The following PSD4 variants were observed in gnomAD, a reference collection of about 807,000 sequenced individuals.
PSD4 encodes PH and SEC7 domain-containing protein 4.
PSD4 carries 59 observed loss-of-function variants against 112.5 expected under a neutral mutation model. The ratio of observed to expected loss-of-function variants is 0.52; its 90% CI spans 0.43 to 0.65. The LOEUF is 0.65. Among genes scored for constraint, PSD4 ranks in the 30% least tolerant of loss-of-function variants. The pLI is 0.00. For synonymous variants in PSD4, 533 were observed against 540.0 expected (o/e 0.99, Z 0.18); for missense variants, 1,267 against 1,352.6 (o/e 0.94, Z 0.99).
rs1481549175 is a variant in PSD4, at chr2:113,185,834, T to C, written c.1250-43T>C. On this transcript the variant is annotated intron_variant, in intron 4 of 16. Coordinates refer to ENST00000245796, the MANE Select transcript of PSD4 (RefSeq NM_012455.3). ...GGAGGTGGTGCCCAGGCCGTTCTCCTGCCTCCTGCCCTGTGCCCGCCTCAC... is the reference window on the plus strand; with the variant it reads ...GGAGGTGGTGCCCAGGCCGTTCTCCCGCCTCCTGCCCTGTGCCCGCCTCAC... 1.9e-6 allele frequency: 3 copies of C among 1,583,700 alleles called. No homozygotes were observed. The South Asian group carries it at 3.4e-5, about 18-fold the overall frequency.
Position 113,201,356 on chromosome 2 carries a change from A to G in PSD4, c.3112A>G (p.Ile1038Val), listed in dbSNP as rs950440255. Residue 1038 changes from isoleucine (I) to valine (V), a missense_variant, in exon 17 of 17, where the codon ATC becomes GTC. Ile to Val is a conservative substitution (Grantham distance 29). Around this residue, in one of 2 missense-constraint regions of PSD4, gnomAD observed 544 missense variants for 648.6 expected, o/e 0.84. Transcript: ENST00000245796. ...APTTAKVKRNISERRTYRKII... is the reference protein window; with the variant it reads ...APTTAKVKRNVSERRTYRKII... ...CACCACGGCCAAGGTGAAGCGCAACATCTCAGAGCGCAGAACCTACCGGAA... is the reference window on the plus strand; with the variant it reads ...CACCACGGCCAAGGTGAAGCGCAACGTCTCAGAGCGCAGAACCTACCGGAA... The G allele has an allele frequency of 1.1e-5, 17 of 1,614,038 alleles. No homozygotes were observed. The highest frequency in any genetic ancestry group is 1.4e-5 in the Non-Finnish European group (16 of 1,180,016).
At chr2:113,175,810 T>C (rs1029940012) in intron 1 of PSD4, among the ~76,000 whole-genome samples, 1 of 152,178 alleles carries the variant, frequency 6.6e-6, no homozygotes, top group African/African-American at 2.4e-5. Context: ...TTTTGGCTTC[T>C]CTAAATGGAC....
intron 5 of PSD4, 23 bp downstream of exon 5, chr2:113,186,278 C>T: frequency 2.6e-6 from 4 of 1,538,542 alleles, no homozygotes; most frequent in Non-Finnish European, 3.5e-6. Flanking sequence ...CTAACTGGCT[C>T]TCATGCTCCT....
rs1221847241 is a variant in PSD4, at chr2:113,193,875, T to C, written c.2108T>C (p.Met703Thr). ...DLHGQNIGKS[M>T]SCQEFITNLN... is the part of the protein sequence containing the mutation. ...TGGCTACAGAACATTGGGAAGAGCA[T>C]GAGCTGCCAGGAATTCATAACCAAC... The change falls in exon 10 of 17, where the codon ATG becomes ACG. Residue 703 changes from methionine (M) to threonine (T), a missense_variant. Met to Thr is a moderately conservative substitution (Grantham distance 81). Around this residue, in one of 2 missense-constraint regions of PSD4, gnomAD observed 544 missense variants for 648.6 expected, o/e 0.84. Coordinates refer to ENST00000245796, the MANE Select transcript of PSD4 (RefSeq NM_012455.3). The C allele has an allele frequency of 5.0e-6, 8 of 1,614,042 alleles. No homozygotes were observed. The highest frequency in any genetic ancestry group is 6.8e-6 in the Non-Finnish European group (8 of 1,179,982).
chr2:113,198,101 G>A (rs916985154), intron 14 of PSD4, 188 bp downstream of exon 14: 5 of 733,408 alleles, frequency 6.8e-6, no homozygotes, highest in Middle Eastern at 4.0e-4. Flanking sequence ...CCCAGGCATC[G>A]CCTACTTCCT....
intron 10 of PSD4, among the ~76,000 whole-genome samples, chr2:113,194,755 A>G (rs1438441629): frequency 6.6e-6 from 1 of 152,248 alleles, no homozygotes; most frequent in Non-Finnish European, 1.5e-5. Flanking sequence ...AACACATGAT[A>G]GAAAAGATTA....
rs1415813741 is a variant in PSD4 at position 113,185,363 on chromosome 2, A to T, written c.1174-2A>T. On this transcript the variant is annotated splice_acceptor_variant, in intron 3 of 16. Coordinates refer to ENST00000245796, the MANE Select transcript of PSD4 (RefSeq NM_012455.3). LOFTEE classifies it high-confidence loss of function. Reference sequence around the variant, plus strand: ...TGGGAATGCCTTTGCCTCTCTCAACAGGCCTCTCTCAGCCCTGAGGGCTGG... The same window carrying T: ...TGGGAATGCCTTTGCCTCTCTCAACTGGCCTCTCTCAGCCCTGAGGGCTGG... The T allele has an allele frequency of 6.2e-7, 1 of 1,613,872 alleles. No homozygotes were observed. The highest frequency in any genetic ancestry group is 8.5e-7 in the Non-Finnish European group (1 of 1,179,996).
At position 113,193,958 on chromosome 2, in the gene PSD4, A is replaced by G; in HGVS notation, c.2181+10A>G. On this transcript the variant is annotated intron_variant, in intron 10 of 16. Coordinates refer to ENST00000245796, the MANE Select transcript of PSD4 (RefSeq NM_012455.3). Reference sequence around the variant, plus strand: ...CAAGGAGCTGCTGAAGGTATGTGCCACGGGGTCTTCTTATGAGCCTCATGT... The same window carrying G: ...CAAGGAGCTGCTGAAGGTATGTGCCGCGGGGTCTTCTTATGAGCCTCATGT... The G allele has an allele frequency of 6.8e-6, 11 of 1,613,068 alleles. No homozygotes were observed. The highest frequency in any genetic ancestry group is 9.3e-6 in the Non-Finnish European group (11 of 1,179,224).
At chr2:113,196,086 T>C (rs1688601164) in intron 11 of PSD4, 61 bp from the exon 12 acceptor site, 1 of 1,559,180 alleles carries the variant, frequency 6.4e-7, no homozygotes, top group African/African-American at 1.4e-5. Context: ...TGGGAGGCAA[T>C]GGATACCTCC....
In PSD4 at chr2:113,199,197, C is replaced by T. The variant is rs976031436; in HGVS notation, c.2884C>T (p.Arg962Cys). Residue 962 changes from arginine (R) to cysteine (C), a missense_variant, in exon 16 of 17, where the codon CGC (arginine) becomes TGC (cysteine). Physicochemically the swap from Arg to Cys is radical, Grantham distance 180 (BLOSUM62 -3). This residue lies in a region of PSD4 where 544 missense variants were observed against 648.6 expected (regional missense o/e 0.84). Coordinates refer to ENST00000245796, the MANE Select transcript of PSD4 (RefSeq NM_012455.3). ...CCGTGGCCGCGAGCTGGAGGAGCAC[C>T]GCCTGCGGAAGGAGTACCTGGAGTA... ...RGRGRELEEH[R>C]LRKEYLEYEK... 5.3e-6 allele frequency: 8 copies of T among 1,518,326 alleles called. No homozygotes were observed. The highest frequency in any genetic ancestry group is 7.0e-6 in the Non-Finnish European group (8 of 1,136,544). The allele number at this position is 1,518,326 out of a possible 1,614,324, so 94.1% of individuals were successfully genotyped here.
intron 10 of PSD4, among the ~76,000 whole-genome samples, chr2:113,194,838 T>C (rs1459095122): frequency 1.3e-5 from 2 of 152,224 alleles, no homozygotes; most frequent in African/African-American, 4.8e-5. Flanking sequence ...AGTTCATCCT[T>C]GACTGAACCA....
intron 1 of PSD4, among the ~76,000 whole-genome samples, chr2:113,181,268 G>A (rs949144392): frequency 6.6e-6 from 1 of 150,488 alleles, no homozygotes; most frequent in African/African-American, 2.4e-5. Context: ...GAGTGCTTAC[G>A]ACATGCCATA....
In PSD4 at chr2:113,186,007, C is replaced by A. The variant is rs1422137729; in HGVS notation, c.1380C>A (p.Pro460=). ...ESESRGPGPR[P]SPASSQEGSP... is the part of the protein sequence containing the mutation. ...AGAGCAGAGGCCCTGGTCCCAGGCC[C>A]AGCCCTGCATCGTCCCAGGAGGGCA... Residue 460 remains proline, a synonymous_variant, in exon 5 of 17, where the codon CCC becomes CCA. Coordinates refer to ENST00000245796, the MANE Select transcript of PSD4 (RefSeq NM_012455.3). The A allele has an allele frequency of 3.1e-6, 5 of 1,614,194 alleles. No individual in the cohort carries two copies. Among genetic ancestry groups the A allele is most frequent in the Non-Finnish European group, 4.2e-6 (5 of 1,180,000 alleles).
intron 2 of PSD4, among the ~76,000 whole-genome samples, 164 bp from the exon 3 acceptor site, chr2:113,184,793 C>G (rs1039129128): frequency 2.6e-5 from 4 of 152,192 alleles, no homozygotes; most frequent in Non-Finnish European, 1.5e-5. Flanking sequence ...ATCACCCTCC[C>G]TAAAACACAG....
chr2:113,186,423 G>T (rs1688302030), intron 5 of PSD4, among the ~76,000 whole-genome samples, 168 bp downstream of exon 5: 1 of 152,258 alleles, frequency 6.6e-6, no homozygotes, highest in African/African-American at 2.4e-5. Context: ...AAGACCGTAA[G>T]ATTCAGAAGC....
In PSD4 at chr2:113,196,083, C is replaced by G. The variant is rs561239781; in HGVS notation, c.2226-64C>G. The G allele has an allele frequency of 1.2e-5, 19 of 1,549,322 alleles. No individual in the cohort carries two copies. The East Asian group carries it at 4.3e-4, about 35-fold the overall frequency. The stretch of plus-strand genomic sequence containing the variant: ...GAGAGGTTGCTAAGGCTCTGGGAGG[C>G]AATGGATACCTCCCAGTTCTCTTTG... On this transcript the variant is annotated intron_variant, in intron 11 of 16. Coordinates refer to ENST00000245796, the MANE Select transcript of PSD4 (RefSeq NM_012455.3).
At chr2:113,186,526 CCAGGAGAGGAGG>C (rs931741927) in intron 5 of PSD4, among the ~76,000 whole-genome samples, 5 of 152,108 alleles carry the variant, frequency 3.3e-5, no homozygotes, top group African/African-American at 9.7e-5. Flanking sequence ...CAGCTGGAGA[CCAGGAGAGGAGG>C]AAGGGGAGGA....
chr2:113,205,054 G>A lies in PSD4; in HGVS notation c.*3639G>A, dbSNP rs148543122. ...GCGATCTCAGCTCACTGCAACCTCC[G>A]CCTCCTGGGTTCAAGAGATTCTCCT... On this transcript the variant is annotated 3_prime_UTR_variant, in exon 17 of 17. Transcript: ENST00000245796. The A allele has an allele frequency of 0.061, 9,233 of 151,516 alleles. 338 individuals are homozygous for A. The highest frequency in any genetic ancestry group is 0.16 in the South Asian group (788 of 4,784). 9.4% of individuals were successfully genotyped at this position (151,516 alleles called of 1,614,324 possible).
chr2:113,195,534 CGGATGGAT>C lies in PSD4; in HGVS notation c.2182-155_2182-148del, dbSNP rs61576963. Among the ~76,000 whole-genome samples, 518 of 150,624 alleles carry C rather than the reference CGGATGGAT, an allele frequency of 3.4e-3. 3 individuals carry two copies. Among genetic ancestry groups the C allele is most frequent in the Non-Finnish European group, 3.4e-3 (230 of 67,702 alleles). On this transcript the variant is annotated intron_variant, in intron 10 of 16. Transcript: ENST00000245796. Reference sequence around the variant, plus strand: ...AATACTCCAGAAATACTTTGTTGCACGGATGGATGGATGGATGGATGGATGGATGGATG... The same window carrying C: ...AATACTCCAGAAATACTTTGTTGCACGGATGGATGGATGGATGGATGGATG...
Sources: gnomAD v4.1 joint callset for allele counts (sites outside exome capture counted in the v4.1 genomes callset) on GRCh38, gnomAD v4.1.1 for gene constraint, gnomAD v4.1.1 regional missense constraint, MANE v1.5 for transcripts, NCBI Gene and HGNC (gene_info 2026-07-23, HGNC 2026-07-21) for gene names.